Variants in CNBD1 observed in about 807,000 individuals in gnomAD.
CNBD1 encodes the protein cyclic nucleotide-binding domain-containing protein 1.
CNBD1 carries 71 observed loss-of-function variants against 54.4 expected under a neutral mutation model. That is an observed-to-expected ratio of 1.30 (90% CI 1.08 to 1.59). CNBD1 has a LOEUF of 1.59. CNBD1 is among the 40% of genes most tolerant of loss of function. CNBD1 has a pLI of 0.00. For synonymous variants in CNBD1, 182 were observed against 170.7 expected (o/e 1.07, Z -0.51); for missense variants, 659 against 518.0 (o/e 1.27, Z -2.64).
intron 2 of CNBD1, among the ~76,000 whole-genome samples, chr8:87,415,611 G>C (rs1807822270): frequency 6.6e-6 from 1 of 151,872 alleles, no homozygotes; most frequent in Non-Finnish European, 1.5e-5. Flanking sequence ...ACTTGTCCTG[G>C]AAATCTAACT....
At chr8:87,289,546 G>A (rs932970705) in intron 8 of CNBD1, among the ~76,000 whole-genome samples, 1 of 152,024 alleles carries the variant, frequency 6.6e-6, no homozygotes, top group Non-Finnish European at 1.5e-5. Flanking sequence ...AACTATTTAT[G>A]CATATTTTGT....
Position 87,380,500 on chromosome 8 carries a change from A to T in CNBD1, c.1304-2120A>T, listed in dbSNP as rs1811052072. Among the ~76,000 whole-genome samples the T allele has an allele frequency of 2.0e-5, 3 of 151,926 alleles. No homozygotes were observed. In the South Asian group the frequency reaches 6.2e-4, roughly 31 times the overall value. On this transcript the variant is annotated intron_variant, in intron 10 of 10. Transcript: ENST00000518476. ...TCTGCAGATTGATTTGGTTATGTGT[A>T]ATTTTTTATGGTTCCATATGAAATA... is the stretch of plus-strand genomic sequence containing the variant.
At chr8:87,358,898 C>T (rs938717343) in intron 10 of CNBD1, among the ~76,000 whole-genome samples, 1 of 152,158 alleles carries the variant, frequency 6.6e-6, no homozygotes, top group African/African-American at 2.4e-5. Context: ...AAGAGATAGA[C>T]AGAATTCCTC....
At chr8:87,382,922 A>AAAT (rs1586067551), downstream of CNBD1, 1 of 255,388 alleles carries the variant, frequency 3.9e-6, no homozygotes, top group African/African-American at 2.2e-5. Context: ...AGTTGTAAAA[A>AAAT]ATTAAAAGTT....
At chr8:87,180,029 A>G (rs969891660) in intron 4 of CNBD1, among the ~76,000 whole-genome samples, 2 of 152,202 alleles carry the variant, frequency 1.3e-5, no homozygotes, top group African/African-American at 2.4e-5. Context: ...AGAGTGAGAC[A>G]TGTAAATAGA....
chr8:87,235,085 G>A (rs1641027719), intron 5 of CNBD1, among the ~76,000 whole-genome samples: 1 of 152,096 alleles, frequency 6.6e-6, no homozygotes, highest in South Asian at 2.1e-4. Context: ...CTTTTCATCT[G>A]GAGCTTCCTC....
intron 9 of CNBD1, among the ~76,000 whole-genome samples, chr8:87,352,009 A>C (rs368267797): frequency 2.0e-4 from 30 of 152,230 alleles, no homozygotes; most frequent in East Asian, 7.7e-4. Flanking sequence ...CAAATGATCA[A>C]TGAACACAGT....
chr8:87,280,623 T>TG (rs933784641), intron 6 of CNBD1, among the ~76,000 whole-genome samples: 5 of 151,592 alleles, frequency 3.3e-5, no homozygotes, highest in South Asian at 2.1e-4. Context: ...CTAAAAGCAA[T>TG]GGAAAAAATA....
intron 4 of CNBD1, among the ~76,000 whole-genome samples, chr8:86,980,384 C>G (rs184923489): frequency 1.8e-4 from 28 of 152,322 alleles, no homozygotes; most frequent in Admixed American, 1.6e-3. Context: ...GCCATATTTA[C>G]TGTACACATT....
At chr8:87,424,845 T>A (rs573160681) in intron 2 of CNBD1, among the ~76,000 whole-genome samples, 2 of 152,274 alleles carry the variant, frequency 1.3e-5, no homozygotes, top group African/African-American at 2.4e-5. Context: ...TTCTCTGTAT[T>A]TCCTGAATCT....
chr8:87,110,446 C>T (rs958804727), intron 4 of CNBD1, among the ~76,000 whole-genome samples: 2 of 152,110 alleles, frequency 1.3e-5, no homozygotes, highest in African/African-American at 2.4e-5. Context: ...CAATAATACA[C>T]GCTGCCTCCA....
intron 6 of CNBD1, among the ~76,000 whole-genome samples, chr8:87,251,347 G>C (rs1255794714): frequency 6.6e-6 from 1 of 152,020 alleles, no homozygotes; most frequent in African/African-American, 2.4e-5. Context: ...AGCACTTTGG[G>C]AGGCCAAGGC....
chr8:87,229,348 A>G (rs749946476), intron 5 of CNBD1, among the ~76,000 whole-genome samples: 3 of 152,034 alleles, frequency 2.0e-5, no homozygotes, highest in Non-Finnish European at 4.4e-5. Context: ...TATTTGAATG[A>G]GGAATCCATG....
intron 8 of CNBD1, 57 bp downstream of exon 8, chr8:87,286,728 GAAATTCTT>G: frequency 8.6e-7 from 1 of 1,167,140 alleles, no homozygotes; most frequent in South Asian, 1.5e-5. Context: ...TATTGGAATT[GAAATTCTT>G]CATAGTTGTA....
chr8:86,973,307 T>G (rs1203484782), intron 4 of CNBD1, among the ~76,000 whole-genome samples: 1 of 152,240 alleles, frequency 6.6e-6, no homozygotes, highest in Non-Finnish European at 1.5e-5. Flanking sequence ...AGGTAAAAAT[T>G]TACAGTTATC....
chr8:87,214,029 C>CTCTA (rs1814156081), intron 5 of CNBD1, among the ~76,000 whole-genome samples: 1 of 152,202 alleles, frequency 6.6e-6, no homozygotes, highest in Non-Finnish European at 1.5e-5. Flanking sequence ...TCTCCTTTAA[C>CTCTA]TCTATGTCTC....
chr8:87,325,828 G>A (rs1394266866), intron 8 of CNBD1, among the ~76,000 whole-genome samples: 1 of 148,408 alleles, frequency 6.7e-6, no homozygotes, highest in Non-Finnish European at 1.5e-5. Flanking sequence ...TGTTATGTGT[G>A]AATCTGATCC....
At position 87,321,680 on chromosome 8, in the gene CNBD1, A is replaced by C. The variant is rs189711841; in HGVS notation, c.1043-30005A>C. Among the ~76,000 whole-genome samples the C allele has an allele frequency of 8.8e-4, 134 of 152,236 alleles. 1 individual carries two copies. In the Middle Eastern group the frequency reaches 0.01, roughly 12 times the overall value. ...TTGATTATTTCCTTTGCTGCACAAA[A>C]ACTTTTTAATTTGATATAATCTCAT... On this transcript the variant is annotated intron_variant, in intron 8 of 10. Coordinates refer to ENST00000518476, the MANE Select transcript of CNBD1 (RefSeq NM_173538.3).
chr8:87,251,639 C>A (rs1807920316), intron 6 of CNBD1, among the ~76,000 whole-genome samples: 1 of 150,364 alleles, frequency 6.7e-6, no homozygotes, highest in Non-Finnish European at 1.5e-5. Flanking sequence ...CTACTTTTGT[C>A]TAGGTACCAT....
Sources: allele counts gnomAD v4.1 joint callset (sites outside exome capture counted in the v4.1 genomes callset), GRCh38; gene constraint gnomAD v4.1.1; transcripts MANE v1.5; gene names NCBI Gene and HGNC (gene_info 2026-07-23, HGNC 2026-07-21).